Variants in NRDE2 observed in about 807,000 individuals in gnomAD.
NRDE2 encodes the protein nuclear exosome regulator NRDE2.
Under a neutral mutation model 124.2 loss-of-function variants are expected in NRDE2, and 76 were observed. The observed-to-expected ratio is 0.61, with a 90% CI of 0.51 to 0.74. The LOEUF is 0.74. Ranked by LOEUF, NRDE2 falls within the 30% of genes least tolerant of loss-of-function variation. The pLI, the probability that NRDE2 is intolerant of heterozygous loss-of-function variation, is 0.00. For missense variants in NRDE2, 1,314 were observed against 1,417.3 expected (o/e 0.93, Z 1.17); for synonymous variants, 489 against 528.1 (o/e 0.93, Z 1.01).
intron 1 of NRDE2, among the ~76,000 whole-genome samples, chr14:90,324,612 G>A (rs533543631): frequency 5.3e-5 from 8 of 149,732 alleles, no homozygotes; most frequent in African/African-American, 2.0e-4. Flanking sequence ...GGAGGCAGAG[G>A]TTGCAGTGAG....
chr14:90,307,278 T>C (rs1884641143), intron 4 of NRDE2, among the ~76,000 whole-genome samples: 1 of 152,216 alleles, frequency 6.6e-6, no homozygotes, highest in African/African-American at 2.4e-5. Context: ...GGATGTGCCA[T>C]AATTTATTTA....
At chr14:90,329,041 T>G (rs1885564694) in intron 1 of NRDE2, among the ~76,000 whole-genome samples, 1 of 152,256 alleles carries the variant, frequency 6.6e-6, no homozygotes, top group Non-Finnish European at 1.5e-5. Flanking sequence ...CAAGAGATGA[T>G]GCTGTGTTTA....
chr14:90,299,659 AG>A lies in NRDE2; in HGVS notation c.1546-1280del, dbSNP rs1449705744. Among the ~76,000 whole-genome samples, 3 of 152,302 alleles carry A rather than the reference AG, an allele frequency of 2.0e-5. No homozygotes were observed. The East Asian group carries it at 5.8e-4, about 29-fold the overall frequency. ...CCTGGGCAATGCCACACACGCCTGG[AG>A]GAGTATTGCCTCCAGGAGAGTCACG... On this transcript the variant is annotated intron_variant, in intron 7 of 13. Transcript: ENST00000354366.
intron 8 of NRDE2, among the ~76,000 whole-genome samples, chr14:90,294,290 C>T (rs1892350413): frequency 6.6e-6 from 1 of 151,716 alleles, no homozygotes; most frequent in East Asian, 1.9e-4. Context: ...CTGCCGTCTG[C>T]TGTATGGAAA....
Position 90,286,381 on chromosome 14 carries a change from C to A in NRDE2, c.3270G>T (p.Leu1090Phe). The A allele has an allele frequency of 1.2e-6, 2 of 1,614,070 alleles. No individual in the cohort carries two copies. The highest frequency in any genetic ancestry group is 2.2e-5 in the South Asian group (2 of 91,072). The change falls in exon 12 of 14, where the codon TTG (leucine) becomes TTT (phenylalanine). Residue 1090 changes from leucine to phenylalanine, a missense_variant. By Grantham distance (22) the Leu-to-Phe change is conservative. Coordinates refer to ENST00000354366, the MANE Select transcript of NRDE2 (RefSeq NM_017970.4). ...GAAAGTTCAAATACATCCTCCACAG[C>A]AAGGGGCACTGGCTGCCACTGTCGC... ...MRSDSGSQCP[L>F]LWRMYLNFLV...
chr14:90,297,659 C>T (rs1040978967), intron 8 of NRDE2, among the ~76,000 whole-genome samples: 38 of 152,040 alleles, frequency 2.5e-4, no homozygotes, highest in African/African-American at 8.0e-4. Flanking sequence ...TGGGGTCGGG[C>T]GTGGTGGCTC....
rs777955758 is a variant in NRDE2 at position 90,331,827 on chromosome 14, G to C, written c.64+14C>G. On this transcript the variant is annotated intron_variant, in intron 1 of 13. Transcript: ENST00000354366. ...GCCCCCCAGGTGCCTTCTTCGGCTC[G>C]TTTGTGTGCTTACCTTTCCTGGAGC... The C allele has an allele frequency of 1.4e-5, 22 of 1,613,876 alleles. No homozygotes were observed. Among genetic ancestry groups the C allele is most frequent in the Non-Finnish European group, 1.7e-5 (20 of 1,179,982 alleles).
At chr14:90,324,206 A>G (rs1885337892) in intron 1 of NRDE2, among the ~76,000 whole-genome samples, 1 of 152,104 alleles carries the variant, frequency 6.6e-6, no homozygotes, top group Non-Finnish European at 1.5e-5. Context: ...TGGCTTGGCC[A>G]TTGGGACTGA....
chr14:90,285,271 A>AT (rs1491395471), intron 12 of NRDE2, among the ~76,000 whole-genome samples: 1 of 60,754 alleles, frequency 1.6e-5, no homozygotes, highest in Non-Finnish European at 3.4e-5. Context: ...ACCTTGTCTT[A>AT]AAAAAAAAAA....
intron 1 of NRDE2, among the ~76,000 whole-genome samples, chr14:90,324,082 G>C (rs1419279211): frequency 1.3e-5 from 2 of 152,152 alleles, no homozygotes; most frequent in African/African-American, 4.8e-5. Context: ...GTCTGGATCA[G>C]AGAAAGCTAA....
intron 4 of NRDE2, 57 bp from the exon 5 acceptor site, chr14:90,304,439 G>T: frequency 7.6e-7 from 1 of 1,310,482 alleles, no homozygotes; most frequent in South Asian, 1.4e-5. Flanking sequence ...ACCTCTGAAT[G>T]ACTAAAGGCG....
intron 1 of NRDE2, 120 bp from the exon 2 acceptor site, chr14:90,318,233 G>T: frequency 1.4e-6 from 1 of 724,006 alleles, no homozygotes; most frequent in Non-Finnish European, 2.3e-6. Context: ...CAGACGTTTT[G>T]AACAGTCAGT....
chr14:90,297,539 G>C (rs993005117), intron 8 of NRDE2, among the ~76,000 whole-genome samples: 3 of 152,080 alleles, frequency 2.0e-5, no homozygotes, highest in Non-Finnish European at 2.9e-5. Flanking sequence ...GTAAATGCTA[G>C]GTAATAATTA....
Position 90,312,317 on chromosome 14 carries a change from A to G in NRDE2, c.557+77T>C, listed in dbSNP as rs955843981. On this transcript the variant is annotated intron_variant, in intron 4 of 13. Coordinates refer to ENST00000354366, the MANE Select transcript of NRDE2 (RefSeq NM_017970.4). ...TGATGAAAGAGAGAAACAGGCAGGCAGACAGTGCCAAGAGAGTTCCGAGGA... is the reference window on the plus strand; with the variant it reads ...TGATGAAAGAGAGAAACAGGCAGGCGGACAGTGCCAAGAGAGTTCCGAGGA... 4.4e-6 allele frequency: 6 copies of G among 1,378,240 alleles called. No individual in the cohort carries two copies. In the Admixed American group the frequency reaches 9.2e-5, roughly 21 times the overall value. The allele number at this position is 1,378,240 out of a possible 1,614,324, so 85.4% of individuals were successfully genotyped here.
chr14:90,290,248 G>C lies in NRDE2; in HGVS notation c.2202C>G (p.Phe734Leu), dbSNP rs1555359869. The C allele has an allele frequency of 2.5e-6, 4 of 1,614,062 alleles. No homozygotes were observed. In the East Asian group the frequency reaches 6.7e-5, roughly 27 times the overall value. ...FSGKEKSQLCFSWLQYEIAKV... is the reference protein window; with the variant it reads ...FSGKEKSQLCLSWLQYEIAKV... ...TTGCAATCTCATACTGTAACCAGGA[G>C]AAGCAGAGCTGGGACTTCTCTTTGC... Residue 734 changes from phenylalanine (F) to leucine (L), a missense_variant, in exon 10 of 14, where the codon TTC becomes TTG. By Grantham distance (22) the Phe-to-Leu change is conservative. Transcript: ENST00000354366.
chr14:90,290,214 G>A lies in NRDE2; in HGVS notation c.2229+7C>T, dbSNP rs145965138. ...CCCCAAACATGGGAGGACGAGTCTG[G>A]AATTACCTTTGCAATCTCATACTGT... On this transcript the variant is annotated splice_region_variant and intron_variant, in intron 10 of 13. Transcript: ENST00000354366. 63 of 1,610,654 alleles carry A rather than the reference G, an allele frequency of 3.9e-5. No homozygotes were observed. Among genetic ancestry groups the A allele is most frequent in the Non-Finnish European group, 5.2e-5 (61 of 1,177,460 alleles).
intron 5 of NRDE2, 126 bp downstream of exon 5, chr14:90,303,809 C>T (rs1280625559): frequency 2.2e-5 from 19 of 847,958 alleles, no homozygotes; most frequent in Admixed American, 4.9e-5. Flanking sequence ...AGGCTCTATT[C>T]TAATAATCTT....
chr14:90,288,736 T>G lies in NRDE2; in HGVS notation c.2639A>C (p.His880Pro). Residue 880 changes from histidine to proline, a missense_variant, in exon 11 of 14, where the codon CAC becomes CCC. Transcript: ENST00000354366. ...HILKARKAYE[H>P]ALQDCLGDSC... ...GTCACCCAAACAGTCCTGCAGTGCG[T>G]GCTCATAAGCCTTTCGCGCTTTCAA... 2 of 1,614,190 alleles carry G rather than the reference T, an allele frequency of 1.2e-6. No individual in the cohort carries two copies.
intron 7 of NRDE2, among the ~76,000 whole-genome samples, chr14:90,300,547 T>C (rs181320082): frequency 0.011 from 1,654 of 152,070 alleles, 24 homozygotes; most frequent in Middle Eastern, 0.02. Context: ...TTTTCTTATA[T>C]ACATAGCTCT....
Sources: gnomAD v4.1 joint callset for allele counts (sites outside exome capture counted in the v4.1 genomes callset) on GRCh38, gnomAD v4.1.1 for gene constraint, MANE v1.5 for transcripts, NCBI Gene and HGNC (gene_info 2026-07-23, HGNC 2026-07-21) for gene names.